PLD5: variants seen among roughly 807,000 people sequenced by gnomAD.
The protein encoded by PLD5 is phospholipase D family member 5.
PLD5 carries 36 observed loss-of-function variants against 61.1 expected under a neutral mutation model. The ratio of observed to expected loss-of-function variants is 0.59; its 90% confidence interval spans 0.45 to 0.78. The LOEUF is 0.78. Ranked by LOEUF, PLD5 falls within the 30% of genes least tolerant of loss-of-function variation. The pLI is 0.00. For missense variants in PLD5, 515 were observed against 644.4 expected (o/e 0.80, Z 2.17); for synonymous variants, 243 against 242.8 (o/e 1.00, Z -0.01).
rs2148635074 is a variant in PLD5, at chr1:242,087,471, AC to A, written c.*2382del. 2 of 152,244 alleles carry A rather than the reference AC, an allele frequency of 1.3e-5. No individual in the cohort carries two copies. The highest frequency in any genetic ancestry group is 4.1e-4 in the South Asian group (2 of 4,820). 9.4% of individuals were successfully genotyped at this position (152,244 alleles called of 1,614,324 possible). On this transcript the variant is annotated 3_prime_UTR_variant, in exon 10 of 10. Coordinates refer to ENST00000536534, the MANE Select transcript of PLD5 (RefSeq NM_001372062.1). ...GAATACTTCAGGGGACAACTTGAGAACTAACAAATTTTAGTTTATTTGGTTT... is the reference window on the plus strand; with the variant it reads ...GAATACTTCAGGGGACAACTTGAGAATAACAAATTTTAGTTTATTTGGTTT...
At chr1:242,190,278 C>T (rs980707399) in intron 5 of PLD5, among the ~76,000 whole-genome samples, 6 of 150,956 alleles carry the variant, frequency 4.0e-5, no homozygotes, top group East Asian at 4.0e-4. Flanking sequence ...CCCAAGTAGC[C>T]GGGACTACAG....
intron 4 of PLD5, among the ~76,000 whole-genome samples, chr1:242,220,551 G>C (rs1670506964): frequency 6.6e-6 from 1 of 151,978 alleles, no homozygotes; most frequent in Non-Finnish European, 1.5e-5. Context: ...CAGTATCACA[G>C]CTCTCCTCAA....
chr1:242,090,089 T>C lies in PLD5; in HGVS notation c.1376A>G (p.Asn459Ser). Residue 459 changes from asparagine to serine, a missense_variant, in exon 10 of 10, where the codon AAT becomes AGT. This residue lies in a region of PLD5 where 450 missense variants were observed against 598.1 expected (regional missense o/e 0.75). Coordinates refer to ENST00000536534, the MANE Select transcript of PLD5 (RefSeq NM_001372062.1). Reference protein sequence around the residue: ...AYIGNFDWVGNDFTQNAGTGL... With the variant: ...AYIGNFDWVGSDFTQNAGTGL... Reference sequence around the variant, plus strand: ...CGTGCCAGCATTCTGAGTGAAATCATTCCCTACCCAATCAAAATTTCCTGC... The same window carrying C: ...CGTGCCAGCATTCTGAGTGAAATCACTCCCTACCCAATCAAAATTTCCTGC... 2 of 1,614,030 alleles carry C rather than the reference T, an allele frequency of 1.2e-6. No homozygotes were observed. Among genetic ancestry groups the C allele is most frequent in the African/African-American group, 1.3e-5 (1 of 75,040 alleles).
intron 1 of PLD5, among the ~76,000 whole-genome samples, chr1:242,408,489 C>CT (rs1664364005): frequency 6.6e-6 from 1 of 152,176 alleles, no homozygotes; most frequent in African/African-American, 2.4e-5. Context: ...AGTGAGTTCT[C>CT]TGAGTTTGTG....
intron 1 of PLD5, among the ~76,000 whole-genome samples, chr1:242,495,453 G>A (rs1365524858): frequency 6.6e-6 from 1 of 152,110 alleles, no homozygotes; most frequent in East Asian, 1.9e-4. Context: ...GACACGAGCT[G>A]TAAGCAGTAT....
intron 5 of PLD5, among the ~76,000 whole-genome samples, chr1:242,144,440 G>A (rs866237121): frequency 2.6e-5 from 4 of 152,234 alleles, no homozygotes; most frequent in Middle Eastern, 3.4e-3. Context: ...ACAGACACAC[G>A]AGGTAATTGT....
In PLD5 at chr1:242,288,268, A is replaced by G. The variant is rs1675145308; in HGVS notation, c.495+94T>C. The G allele has an allele frequency of 3.8e-6, 6 of 1,560,604 alleles. No individual in the cohort carries two copies. In the South Asian group the frequency reaches 6.0e-5, roughly 16 times the overall value. On this transcript the variant is annotated intron_variant, in intron 3 of 9. Transcript: ENST00000536534. ...TCTGGGTGTGTGTAGACTAAAATAA[A>G]TGAGCTTGAGTTTGAGGAGTGGAGG...
chr1:242,512,116 A>G (rs1238666907), intron 1 of PLD5, among the ~76,000 whole-genome samples: 1 of 152,028 alleles, frequency 6.6e-6, no homozygotes, highest in African/African-American at 2.4e-5. Flanking sequence ...CTTTAAGAGT[A>G]TTTTGGTGGG....
At chr1:242,270,854 T>C (rs1177880018) in intron 3 of PLD5, among the ~76,000 whole-genome samples, 1 of 152,210 alleles carries the variant, frequency 6.6e-6, no homozygotes, top group Non-Finnish European at 1.5e-5. Context: ...GTCTTTACCT[T>C]CCTTCACCTG....
chr1:242,372,321 G>A, intron 1 of PLD5, among the ~76,000 whole-genome samples: 1 of 152,196 alleles, frequency 6.6e-6, no homozygotes, highest in Middle Eastern at 3.4e-3. Flanking sequence ...GTGTAAGAAT[G>A]TCTCATGGAT....
chr1:242,512,462 C>A (rs1325073926), intron 1 of PLD5, among the ~76,000 whole-genome samples: 1 of 151,904 alleles, frequency 6.6e-6, no homozygotes, highest in African/African-American at 2.4e-5. Flanking sequence ...GACACATTCC[C>A]TGCTGCAGAG....
chr1:242,097,576 T>C (rs1046787116), intron 9 of PLD5, among the ~76,000 whole-genome samples: 5 of 152,220 alleles, frequency 3.3e-5, no homozygotes, highest in African/African-American at 4.8e-5. Context: ...TCATATCCTT[T>C]GCCCACTTGT....
intron 1 of PLD5, among the ~76,000 whole-genome samples, chr1:242,374,088 G>A (rs1371538952): frequency 1.3e-5 from 2 of 152,110 alleles, no homozygotes; most frequent in East Asian, 3.9e-4. Context: ...ACGGTCACAA[G>A]GTGAAAGAAA....
At chr1:242,340,310 T>C (rs1659756298) in intron 2 of PLD5, among the ~76,000 whole-genome samples, 1 of 152,088 alleles carries the variant, frequency 6.6e-6, no homozygotes, top group Non-Finnish European at 1.5e-5. Context: ...AGATATCAAA[T>C]AAGGAGCCAA....
At chr1:242,380,533 C>G (rs1427328693) in intron 1 of PLD5, among the ~76,000 whole-genome samples, 3 of 152,084 alleles carry the variant, frequency 2.0e-5, no homozygotes, top group Non-Finnish European at 4.4e-5. Context: ...AAGCACAAAG[C>G]TAGGAAATAA....
chr1:242,314,463 C>T (rs1173736231), intron 2 of PLD5, among the ~76,000 whole-genome samples: 3 of 152,318 alleles, frequency 2.0e-5, no homozygotes, highest in East Asian at 3.9e-4. Context: ...GCTTGAATCA[C>T]CTCACCTATT....
chr1:242,097,229 T>C (rs989098048), intron 9 of PLD5, among the ~76,000 whole-genome samples: 1 of 152,238 alleles, frequency 6.6e-6, no homozygotes, highest in Non-Finnish European at 1.5e-5. Context: ...TGTGTCTTTA[T>C]AGAAGCATGA....
chr1:242,111,245 T>C (rs1017142212), intron 7 of PLD5, among the ~76,000 whole-genome samples: 1 of 152,046 alleles, frequency 6.6e-6, no homozygotes, highest in Non-Finnish European at 1.5e-5. Flanking sequence ...TTAGTAGAGA[T>C]GGGTTTTCAC....
chr1:242,228,765 T>G (rs1224901377), intron 4 of PLD5, among the ~76,000 whole-genome samples: 3 of 151,564 alleles, frequency 2.0e-5, no homozygotes, highest in African/African-American at 7.3e-5. Flanking sequence ...GAGCAAACCA[T>G]AGTGAAAAAG....
Sources: allele counts gnomAD v4.1 joint callset (sites outside exome capture counted in the v4.1 genomes callset), GRCh38; gene constraint gnomAD v4.1.1; regional missense constraint gnomAD v4.1.1; transcripts MANE v1.5; gene names NCBI Gene and HGNC (gene_info 2026-07-23, HGNC 2026-07-21).